The following IFT122 variants were observed in gnomAD, a reference collection of about 807,000 sequenced individuals.
IFT122 encodes the protein intraflagellar transport 122.
A neutral mutation model predicts 161.6 loss-of-function variants in IFT122; 118 were observed. The observed-to-expected ratio is 0.73, with a 90% confidence interval of 0.63 to 0.85. The LOEUF (loss-of-function observed/expected upper bound fraction) is 0.85, where lower values mean the gene tolerates loss of function less well. IFT122 is among the 40% of genes least tolerant of loss of function. The probability of loss-of-function intolerance (pLI) is 0.00; values close to 1 mark genes in which losing one functional copy is unlikely to be tolerated. For missense variants in IFT122, 1,381 were observed against 1,579.6 expected (o/e 0.87, Z 2.13); for synonymous variants, 550 against 602.4 (o/e 0.91, Z 1.27).
intron 7 of IFT122, among the ~76,000 whole-genome samples, chr3:129,465,693 A>C (rs2076692448): frequency 1.0e-5 from 1 of 95,282 alleles, no homozygotes; most frequent in Non-Finnish European, 1.8e-5. Context: ...CGGACTGCGG[A>C]CTGCAGTGGC....
At chr3:129,494,050 G>C (rs1199406875) in intron 17 of IFT122, among the ~76,000 whole-genome samples, 2 of 152,200 alleles carry the variant, frequency 1.3e-5, no homozygotes, top group East Asian at 3.8e-4. Flanking sequence ...CTTTTGGATA[G>C]GGGAGATGTT....
chr3:129,516,694 GCACACA>G (rs771398986), intron 26 of IFT122, among the ~76,000 whole-genome samples: 799 of 50,190 alleles, frequency 0.016, 14 homozygotes, highest in Non-Finnish European at 0.02. Context: ...GATTGCTCCT[GCACACA>G]CACACACACA....
intron 9 of IFT122, among the ~76,000 whole-genome samples, chr3:129,470,235 A>AT: frequency 6.7e-6 from 1 of 149,442 alleles, no homozygotes; most frequent in Admixed American, 6.6e-5. Flanking sequence ...TGGGGGTATG[A>AT]TTTTTTATTT....
At chr3:129,478,647 T>A (rs559762890) in intron 12 of IFT122, among the ~76,000 whole-genome samples, 1 of 152,110 alleles carries the variant, frequency 6.6e-6, no homozygotes, top group Non-Finnish European at 1.5e-5. Context: ...GGCTGTACTT[T>A]GGGAGGCTAA....
At chr3:129,448,420 G>T (rs1168433753) in intron 1 of IFT122, among the ~76,000 whole-genome samples, 2 of 152,222 alleles carry the variant, frequency 1.3e-5, no homozygotes, top group Non-Finnish European at 2.9e-5. Context: ...TGTTTCATTT[G>T]CATAACTTTC....
At chr3:129,494,453 C>A (rs1477873041) in intron 17 of IFT122, among the ~76,000 whole-genome samples, 1 of 152,124 alleles carries the variant, frequency 6.6e-6, no homozygotes, top group Non-Finnish European at 1.5e-5. Context: ...ATGATAATTT[C>A]TGTCAGTATG....
intron 1 of IFT122, among the ~76,000 whole-genome samples, chr3:129,440,795 T>G (rs1035246414): frequency 5.3e-5 from 8 of 152,254 alleles, no homozygotes; most frequent in Admixed American, 2.6e-4. Context: ...CAAGGAAACT[T>G]TATTACTCCA....
intron 23 of IFT122, among the ~76,000 whole-genome samples, chr3:129,510,542 C>CT (rs2082706563): frequency 6.6e-6 from 1 of 152,212 alleles, no homozygotes; most frequent in African/African-American, 2.4e-5. Flanking sequence ...TCAACTTAGG[C>CT]TGGAAGTCAG....
At position 129,517,680 on chromosome 3, in the gene IFT122, G is replaced by C. The variant is rs147285273; in HGVS notation, c.3391+86G>C. On this transcript the variant is annotated intron_variant, in intron 27 of 29. Coordinates refer to ENST00000348417, the MANE Select transcript of IFT122 (RefSeq NM_052989.3). The stretch of plus-strand genomic sequence containing the variant: ...GGGAAGTAGGAGGGCCCAGTCCCAG[G>C]GGATCGCGGGCCATGCTGAGCCTGG... The C allele has an allele frequency of 2.6e-4, 402 of 1,532,346 alleles. 2 individuals are homozygous for C. The East Asian group carries it at 8.9e-3, about 34-fold the overall frequency. 94.9% of individuals were successfully genotyped at this position (1,532,346 alleles called of 1,614,324 possible). A position where few individuals can be genotyped will look rare whatever the true frequency, so the allele number is the denominator to read the frequency against.
At chr3:129,472,809 CTGT>C (rs2077504222) in intron 9 of IFT122, among the ~76,000 whole-genome samples, 1 of 152,120 alleles carries the variant, frequency 6.6e-6, no homozygotes, top group Admixed American at 6.5e-5. Context: ...TAGAGGATTT[CTGT>C]TGTTCAGTAT....
chr3:129,510,090 G>C (rs1466226949), intron 23 of IFT122, among the ~76,000 whole-genome samples: 1 of 152,140 alleles, frequency 6.6e-6, no homozygotes, highest in African/African-American at 2.4e-5. Context: ...TCAGAGATGA[G>C]GTCTCTGTCG....
At position 129,516,264 on chromosome 3, in the gene IFT122, TAC is replaced by T. The variant is rs141864185; in HGVS notation, c.3265+675_3265+676del. On this transcript the variant is annotated intron_variant, in intron 26 of 29. Coordinates refer to ENST00000348417, the MANE Select transcript of IFT122 (RefSeq NM_052989.3). ...CCTGCGTGCACACACAGACTGCCCC[TAC>T]ACACACACAGATTGCTCCTGCACAC... Among the ~76,000 whole-genome samples the T allele has an allele frequency of 5.6e-3, 433 of 77,418 alleles. 5 individuals carry two copies. The highest frequency in any genetic ancestry group is 0.022 in the African/African-American group (411 of 18,540). 50.8% of individuals were successfully genotyped at this position (77,418 alleles called of 152,430 possible). A position where few individuals can be genotyped will look rare whatever the true frequency, so the allele number is the denominator to read the frequency against.
chr3:129,501,045 G>A (rs1360755267), intron 19 of IFT122, among the ~76,000 whole-genome samples: 2 of 152,074 alleles, frequency 1.3e-5, no homozygotes, highest in African/African-American at 4.8e-5. Context: ...GGCTGCTGGT[G>A]GGTTACACCA....
In IFT122 at chr3:129,456,277, T is replaced by C; in HGVS notation, c.194-2322T>C. Reference sequence around the variant, plus strand: ...AGTGATGGAAATAGTAAGAGCAGTTTCTTTGTTTATTTAGTATTTGCAGCA... The same window carrying C: ...AGTGATGGAAATAGTAAGAGCAGTTCCTTTGTTTATTTAGTATTTGCAGCA... On this transcript the variant is annotated intron_variant, in intron 3 of 29. Coordinates refer to ENST00000348417, the MANE Select transcript of IFT122 (RefSeq NM_052989.3). 2.4e-6 allele frequency: 3 copies of C among 1,251,846 alleles called. No individual in the cohort carries two copies. In the African/African-American group the frequency reaches 4.7e-5, roughly 20 times the overall value. The allele number at this position is 1,251,846 out of a possible 1,614,324, so 77.5% of individuals were successfully genotyped here. A position where few individuals can be genotyped will look rare whatever the true frequency, so the allele number is the denominator to read the frequency against.
At chr3:129,504,966 C>T (rs182163706) in intron 21 of IFT122, among the ~76,000 whole-genome samples, 1 of 152,204 alleles carries the variant, frequency 6.6e-6, no homozygotes, top group Admixed American at 6.5e-5. Context: ...CGGGTGACTT[C>T]TGCTCCTCAA....
chr3:129,463,263 A>AT, intron 5 of IFT122: 1 of 353,806 alleles, frequency 2.8e-6, no homozygotes, highest in Non-Finnish European at 5.4e-6. Flanking sequence ...AGCGTGACAC[A>AT]GAACTAAGCC....
Position 129,440,390 on chromosome 3 carries a change from C to A in IFT122, c.41+19C>A. 6.5e-7 allele frequency: 1 copy of A among 1,549,994 alleles called. No homozygotes were observed. Among genetic ancestry groups the A allele is most frequent in the Non-Finnish European group, 8.7e-7 (1 of 1,146,758 alleles). ...AGCACTGGTGAGGAGCGGGGCGGTTCGCGAAGAGCAGGAGGTCGAGTCCTC... is the reference window on the plus strand; with the variant it reads ...AGCACTGGTGAGGAGCGGGGCGGTTAGCGAAGAGCAGGAGGTCGAGTCCTC... On this transcript the variant is annotated intron_variant, in intron 1 of 29. Transcript: ENST00000348417.
chr3:129,476,181 A>C, intron 9 of IFT122, 134 bp from the exon 10 acceptor site: 4 of 899,424 alleles, frequency 4.4e-6, no homozygotes, highest in Non-Finnish European at 7.2e-6. Context: ...GGGATGACAC[A>C]GGAGAAAAGG....
At chr3:129,497,608 C>G (rs2081031112) in intron 18 of IFT122, among the ~76,000 whole-genome samples, 1 of 152,184 alleles carries the variant, frequency 6.6e-6, no homozygotes, top group Non-Finnish European at 1.5e-5. Context: ...CCACAGCCTC[C>G]CACCAGAACT....
Sources: gnomAD v4.1 joint callset for allele counts (sites outside exome capture counted in the v4.1 genomes callset) on GRCh38, gnomAD v4.1.1 for gene constraint, MANE v1.5 for transcripts, NCBI Gene and HGNC (gene_info 2026-07-23, HGNC 2026-07-21) for gene names.